PLPP2: variants seen among roughly 807,000 people sequenced by gnomAD.
PLPP2 encodes PAP2-gamma.
PLPP2 carries 29 observed loss-of-function variants against 35.2 expected under a neutral mutation model. That is an observed-to-expected ratio of 0.82 (90% CI 0.61 to 1.12). The LOEUF is 1.12. Ranked by LOEUF, PLPP2 falls within the 50% of genes most tolerant of loss-of-function variation. The pLI is 0.00. For synonymous variants in PLPP2, 162 were observed against 167.0 expected (o/e 0.97, Z 0.23); for missense variants, 353 against 375.2 (o/e 0.94, Z 0.49).
intron 1 of PLPP2, among the ~76,000 whole-genome samples, chr19:289,429 A>G (rs1015371189): frequency 1.3e-5 from 2 of 152,294 alleles, no homozygotes; most frequent in South Asian, 4.1e-4. Context: ...AGGTGAGGGA[A>G]TGCAGAACAG....
At position 288,093 on chromosome 19, in the gene PLPP2, C is replaced by T. The variant is rs369070223; in HGVS notation, c.131G>A (p.Arg44Gln). 13 of 1,613,312 alleles carry T rather than the reference C, an allele frequency of 8.1e-6. No individual in the cohort carries two copies. The African/African-American group carries it at 1.1e-4, about 13-fold the overall frequency. ...RGFYCGDDSI[R>Q]YPYRPDTITH... ...GATGGTATCTGGACGGTAGGGGTAC[C>T]GGATGGAGTCATCCCCGCAGTAAAA... Residue 44 changes from arginine (R) to glutamine (Q), a missense_variant, in exon 2 of 6, where the codon CGG (arginine) becomes CAG (glutamine). Physicochemically the swap from Arg to Gln is conservative, Grantham distance 43. Transcript: ENST00000434325.
At chr19:289,529 C>T (rs1970341976) in intron 1 of PLPP2, among the ~76,000 whole-genome samples, 1 of 151,924 alleles carries the variant, frequency 6.6e-6, no homozygotes, top group South Asian at 2.1e-4. Flanking sequence ...TCCTGGCTAA[C>T]ACGGTGAAAC....
Position 287,970 on chromosome 19 carries a change from G to GT in PLPP2, c.204+49_204+50insA, listed in dbSNP as rs370002930. 0.65 allele frequency: 1,034,648 copies of GT among 1,590,874 alleles called. 342,120 individuals carry two copies. Among genetic ancestry groups the GT allele is most frequent in the Middle Eastern group, 0.76 (3,933 of 5,160 alleles). On this transcript the variant is annotated intron_variant, in intron 2 of 5. Transcript: ENST00000434325. The surrounding 1 kb of genome is among the most constrained non-coding windows in gnomAD (Gnocchi z 4.3). ...CCCATCAGGCCCCCAGGGTAAAGCTGGCCCCACCCCATCCCCCTACCCAGT... is the reference window on the plus strand; with the variant it reads ...CCCATCAGGCCCCCAGGGTAAAGCTGTGCCCCACCCCATCCCCCTACCCAGT...
At chr19:283,755 G>GCT (rs1466699561) in intron 3 of PLPP2, 1 of 152,208 alleles carries the variant, frequency 6.6e-6, no homozygotes, top group African/African-American at 2.4e-5. Context: ...AGGCAGAGTT[G>GCT]AAAATGTGTT....
chr19:285,201 G>C (rs1045366241), intron 3 of PLPP2: 1 of 151,038 alleles, frequency 6.6e-6, no homozygotes, highest in Non-Finnish European at 1.5e-5. Flanking sequence ...GGGAGGCCGA[G>C]GCGGGTGGAT....
intron 5 of PLPP2, 152 bp from the exon 6 acceptor site, chr19:281,689 C>T (rs1051133986): frequency 2.1e-5 from 15 of 731,122 alleles, no homozygotes; most frequent in African/African-American, 3.6e-5. Context: ...GGGAAGAGAG[C>T]GCTCTTAGTG....
intron 3 of PLPP2, chr19:283,582 CA>C (rs1970218869): frequency 6.6e-6 from 1 of 152,244 alleles, no homozygotes; most frequent in Non-Finnish European, 1.5e-5. Flanking sequence ...ATGAGGCAAA[CA>C]ACAGACTAAC....
rs367702023 is a variant in PLPP2 at position 282,697 on chromosome 19, G to A, written c.540+55C>T. Reference sequence around the variant, plus strand: ...CTGGAAAAACTGAGGTCCAGGGAAGGGAGTGATTTAGCCATGGTTCCCCCG... The same window carrying A: ...CTGGAAAAACTGAGGTCCAGGGAAGAGAGTGATTTAGCCATGGTTCCCCCG... On this transcript the variant is annotated intron_variant, in intron 4 of 5. Coordinates refer to ENST00000434325, the MANE Select transcript of PLPP2 (RefSeq NM_003712.4). 17 of 1,541,302 alleles carry A rather than the reference G, an allele frequency of 1.1e-5. No homozygotes were observed. In the African/African-American group the frequency reaches 2.2e-4, roughly 20 times the overall value.
intron 3 of PLPP2, chr19:284,652 G>A (rs2145269653): frequency 6.6e-6 from 1 of 152,208 alleles, no homozygotes; most frequent in Non-Finnish European, 1.5e-5. Context: ...TATGTTCAAA[G>A]AGCCAAAGGA....
intron 1 of PLPP2, among the ~76,000 whole-genome samples, chr19:289,240 C>T (rs1600085539): frequency 6.6e-6 from 1 of 152,210 alleles, no homozygotes; most frequent in Non-Finnish European, 1.5e-5. Flanking sequence ...CCCAGCAGGG[C>T]AAGTACAAAA....
At chr19:290,711 C>G (rs947008619) in intron 1 of PLPP2, among the ~76,000 whole-genome samples, 1 of 152,192 alleles carries the variant, frequency 6.6e-6, no homozygotes, top group African/African-American at 2.4e-5. Context: ...CCCCCGCCAC[C>G]CCGTTCACCC....
rs1269168107 is a variant in PLPP2 at position 282,233 on chromosome 19, A to G, written c.618T>C (p.Phe206=). The stretch of plus-strand genomic sequence containing the variant: ...CGCGGGTGTAGCCCACGTAGAGGGC[A>G]AAGGCCACCAGGAAGAACTGGACTG... The part of the protein sequence containing the change: ...RPTVQFFLVA[F]ALYVGYTRVS... Residue 206 remains phenylalanine (F), a synonymous_variant, in exon 5 of 6, where the codon TTT becomes TTC. Coordinates refer to ENST00000434325, the MANE Select transcript of PLPP2 (RefSeq NM_003712.4). 6.2e-7 allele frequency: 1 copy of G among 1,613,790 alleles called. No homozygotes were observed. Among genetic ancestry groups the G allele is most frequent in the Non-Finnish European group, 8.5e-7 (1 of 1,179,910 alleles).
intron 4 of PLPP2, 66 bp downstream of exon 4, chr19:282,686 G>A (rs1440397566): frequency 2.0e-6 from 3 of 1,512,830 alleles, no homozygotes; most frequent in Non-Finnish European, 2.7e-6. Context: ...AAAAACTGAG[G>A]TCCAGGGAAG....
At chr19:283,208 C>T (rs755829862) in intron 3 of PLPP2, 16 of 168,786 alleles carry the variant, frequency 9.5e-5, no homozygotes, top group Admixed American at 2.5e-4. Context: ...AATAGCAGAG[C>T]AAGAAACTTC....
Position 287,455 on chromosome 19 carries a change from G to A in PLPP2, c.482+19C>T, listed in dbSNP as rs1351201664. 2 of 1,595,116 alleles carry A rather than the reference G, an allele frequency of 1.3e-6. No individual in the cohort carries two copies. The highest frequency in any genetic ancestry group is 1.7e-6 in the Non-Finnish European group (2 of 1,166,860). On this transcript the variant is annotated intron_variant, in intron 3 of 5. Transcript: ENST00000434325. This position sits in a 1 kb window ranked among gnomAD's most constrained non-coding sequence, Gnocchi z 4.3. ...GCTCCCATTCCCCACAAGAGTGAAG[G>A]CTGCTGGTCCACACCCACCTGGCCT...
At position 287,624 on chromosome 19, in the gene PLPP2, G is replaced by T. The variant is rs1187621957; in HGVS notation, c.332C>A (p.Ser111Tyr). 1 of 1,613,820 alleles carries T rather than the reference G, an allele frequency of 6.2e-7. No homozygotes were observed. Among genetic ancestry groups the T allele is most frequent in the Non-Finnish European group, 8.5e-7 (1 of 1,180,046 alleles). ...CATGTACTTGGCCAGGTCTGTCAGA[G>T]ACTGGCTCACGGCAGCCCCAAACAG... ...TFLFGAAVSQ[S>Y]LTDLAKYMIG... Residue 111 changes from serine to tyrosine, a missense_variant, in exon 3 of 6, where the codon TCT (serine) becomes TAT (tyrosine). Transcript: ENST00000434325. The surrounding 1 kb of genome is among the most constrained non-coding windows in gnomAD (Gnocchi z 4.3).
chr19:281,287 A>G lies in PLPP2; in HGVS notation c.*101T>C. The G allele has an allele frequency of 5.2e-6, 6 of 1,161,954 alleles. No homozygotes were observed. Among genetic ancestry groups the G allele is most frequent in the Non-Finnish European group, 6.6e-6 (6 of 904,762 alleles). The allele number at this position is 1,161,954 out of a possible 1,614,324, so 72.0% of individuals were successfully genotyped here. ...GCTCCCATCAGCCCAGGGTTCCTGG[A>G]GCCCGTCCAGAGCCCTCAGTGCCTA... is the stretch of plus-strand genomic sequence containing the variant. On this transcript the variant is annotated 3_prime_UTR_variant, in exon 6 of 6. Coordinates refer to ENST00000434325, the MANE Select transcript of PLPP2 (RefSeq NM_003712.4).
intron 4 of PLPP2, 142 bp downstream of exon 4, chr19:282,610 C>T (rs1031988749): frequency 5.2e-6 from 5 of 961,354 alleles, no homozygotes; most frequent in African/African-American, 1.6e-5. Flanking sequence ...AGCCCAGGGC[C>T]TCCCGTTTTT....
chr19:287,542 G>A lies in PLPP2; in HGVS notation c.414C>T (p.Val138=). 6.2e-7 allele frequency: 1 copy of A among 1,613,730 alleles called. No homozygotes were observed. Among genetic ancestry groups the A allele is most frequent in the South Asian group, 1.1e-5 (1 of 91,064 alleles). ...CCAGCTGCACATAGACCGAGCAGTT[G>A]ACCCGGCTCCAGTCGGGGTCGCAGA... ...LAVCDPDWSR[V]NCSVYVQLEK... The change falls in exon 3 of 6, where the codon GTC becomes GTT. Residue 138 remains valine (V), a synonymous_variant. Coordinates refer to ENST00000434325, the MANE Select transcript of PLPP2 (RefSeq NM_003712.4). This position sits in a 1 kb window ranked among gnomAD's most constrained non-coding sequence, Gnocchi z 4.3.
Sources: allele counts gnomAD v4.1 joint callset (sites outside exome capture counted in the v4.1 genomes callset), GRCh38; gene constraint gnomAD v4.1.1; non-coding constraint Gnocchi (gnomAD v3.1); transcripts MANE v1.5; gene names NCBI Gene and HGNC (gene_info 2026-07-23, HGNC 2026-07-21).